Variants in PDE3A observed in about 807,000 individuals in gnomAD.
PDE3A encodes the protein phosphodiesterase 3A, also known as cGMP-inhibited 3',5'-cyclic phosphodiesterase 3A.
In PDE3A, 43 loss-of-function variants were observed where a neutral mutation model predicts 98.3. The ratio of observed to expected loss-of-function variants is 0.44; its 90% CI spans 0.34 to 0.56. PDE3A has a LOEUF of 0.56. PDE3A is among the 20% of genes least tolerant of loss of function. PDE3A has a pLI of 0.01. For missense variants in PDE3A, 1,427 were observed against 1,440.7 expected (o/e 0.99, Z 0.15); for synonymous variants, 663 against 567.9 (o/e 1.17, Z -2.38).
chr12:20,461,236 G>GAAAAAAAAAAAA, intron 1 of PDE3A, among the ~76,000 whole-genome samples: 1 of 98,486 alleles, frequency 1.0e-5, no homozygotes, highest in Non-Finnish European at 1.9e-5. Context: ...GTGTTTGTCA[G>GAAAAAAAAAAAA]AAAAAAAAAA....
intron 2 of PDE3A, among the ~76,000 whole-genome samples, chr12:20,576,295 A>C (rs1430868629): frequency 6.6e-6 from 1 of 152,062 alleles, no homozygotes; most frequent in Non-Finnish European, 1.5e-5. Context: ...TTTTGGAGTG[A>C]AATATTATCT....
chr12:20,433,967 C>T (rs79407524), intron 1 of PDE3A, among the ~76,000 whole-genome samples: 3,201 of 152,122 alleles, frequency 0.021, 55 homozygotes, highest in Non-Finnish European at 0.033. Context: ...ATTGGGTGAT[C>T]GATTACTTAT....
intron 1 of PDE3A, among the ~76,000 whole-genome samples, chr12:20,488,879 CA>C (rs5796863): frequency 0.33 from 38,984 of 118,818 alleles, 6,431 homozygotes; most frequent in East Asian, 0.67. Flanking sequence ...TCCCTGTCTC[CA>C]AAAAAAAAAA....
At chr12:20,598,368 G>C (rs1021900581) in intron 2 of PDE3A, among the ~76,000 whole-genome samples, 6 of 151,962 alleles carry the variant, frequency 3.9e-5, no homozygotes, top group African/African-American at 1.5e-4. Context: ...ATTTTTAGTA[G>C]AGATGGGGTT....
rs1159892054 is a variant in PDE3A at position 20,683,745 on chromosome 12, G to T, written c.*3474G>T. The T allele has an allele frequency of 2.6e-5, 4 of 152,072 alleles. No homozygotes were observed. The highest frequency in any genetic ancestry group is 4.4e-5 in the Non-Finnish European group (3 of 68,010). The allele number at this position is 152,072 out of a possible 1,614,324, so 9.4% of individuals were successfully genotyped here. A position where few individuals can be genotyped will look rare whatever the true frequency, so the allele number is the denominator to read the frequency against. ...TATTAGTCTTCATCTGATGAATGAA[G>T]AAATTTTCTCATATTATGTTCAAGA... is the stretch of plus-strand genomic sequence containing the variant. On this transcript the variant is annotated 3_prime_UTR_variant, in exon 16 of 16. Transcript: ENST00000359062.
chr12:20,437,553 A>G (rs61912869), intron 1 of PDE3A, among the ~76,000 whole-genome samples: 11,641 of 152,194 alleles, frequency 0.076, 607 homozygotes, highest in Non-Finnish European at 0.11. Flanking sequence ...CTCATGGCAG[A>G]AGGGAAGCAG....
At chr12:20,386,139 AT>A (rs1479338751) in intron 1 of PDE3A, among the ~76,000 whole-genome samples, 96 of 87,136 alleles carry the variant, frequency 1.1e-3, no homozygotes, top group African/African-American at 3.7e-3. Context: ...ATAAATATAT[AT>A]AAATATATAT....
At chr12:20,387,613 T>C (rs1943835960) in intron 1 of PDE3A, among the ~76,000 whole-genome samples, 1 of 152,014 alleles carries the variant, frequency 6.6e-6, no homozygotes, top group Non-Finnish European at 1.5e-5. Context: ...AATACTTCTA[T>C]TTTGTATCCA....
At chr12:20,475,099 A>G (rs1945505900) in intron 1 of PDE3A, among the ~76,000 whole-genome samples, 1 of 151,908 alleles carries the variant, frequency 6.6e-6, no homozygotes, top group Non-Finnish European at 1.5e-5. Flanking sequence ...TACTTCTGCC[A>G]CTTAAAGATG....
intron 1 of PDE3A, among the ~76,000 whole-genome samples, chr12:20,480,696 A>G (rs567301466): frequency 6.6e-6 from 1 of 152,308 alleles, no homozygotes; most frequent in East Asian, 1.9e-4. Flanking sequence ...TCTTAAAGTA[A>G]TGATTTGCCT....
At chr12:20,462,662 A>G (rs572458804) in intron 1 of PDE3A, among the ~76,000 whole-genome samples, 1 of 152,082 alleles carries the variant, frequency 6.6e-6, no homozygotes, top group Non-Finnish European at 1.5e-5. Flanking sequence ...AAAAAATGTT[A>G]TTTTCAATGT....
At chr12:20,397,613 G>C (rs1314776512) in intron 1 of PDE3A, among the ~76,000 whole-genome samples, 1 of 151,622 alleles carries the variant, frequency 6.6e-6, no homozygotes, top group African/African-American at 2.4e-5. Flanking sequence ...ATCATAATTG[G>C]GTTCAAATAA....
chr12:20,653,181 T>C (rs1944961144), intron 14 of PDE3A, among the ~76,000 whole-genome samples: 1 of 152,106 alleles, frequency 6.6e-6, no homozygotes, highest in African/African-American at 2.4e-5. Flanking sequence ...GTAATATTAT[T>C]AAACATATAG....
chr12:20,510,580 A>G (rs1276202770), intron 1 of PDE3A, among the ~76,000 whole-genome samples: 3 of 152,102 alleles, frequency 2.0e-5, no homozygotes, highest in South Asian at 2.1e-4. Flanking sequence ...GAAGTTGAAG[A>G]CACAGGATGG....
At chr12:20,669,179 C>T (rs1267536633) in intron 15 of PDE3A, among the ~76,000 whole-genome samples, 2 of 150,820 alleles carry the variant, frequency 1.3e-5, no homozygotes, top group African/African-American at 2.4e-5. Flanking sequence ...AGCAAAGCCT[C>T]CAAGAAATAT....
chr12:20,472,827 C>T (rs1428470041), intron 1 of PDE3A, among the ~76,000 whole-genome samples: 1 of 152,058 alleles, frequency 6.6e-6, no homozygotes, highest in Non-Finnish European at 1.5e-5. Flanking sequence ...TATCTAAAGG[C>T]ATTAAATATC....
At position 20,680,180 on chromosome 12, in the gene PDE3A, C is replaced by G. The variant is rs1057135686; in HGVS notation, c.3335C>G (p.Ser1112Cys). The G allele has an allele frequency of 8.1e-6, 13 of 1,613,630 alleles. No individual in the cohort carries two copies. The highest frequency in any genetic ancestry group is 1.1e-5 in the Non-Finnish European group (13 of 1,179,798). Reference protein sequence around the residue: ...QSLDQTPQSHSSEQIQAIKEE... With the variant: ...QSLDQTPQSHCSEQIQAIKEE... Reference sequence around the variant, plus strand: ...CTGGACCAGACCCCTCAGTCGCACTCTTCAGAACAGATCCAGGCTATCAAG... The same window carrying G: ...CTGGACCAGACCCCTCAGTCGCACTGTTCAGAACAGATCCAGGCTATCAAG... The change falls in exon 16 of 16, where the codon TCT becomes TGT. Residue 1112 changes from serine to cysteine, a missense_variant. Around this residue, in one of 3 missense-constraint regions of PDE3A, gnomAD observed 142 missense variants for 133.9 expected, o/e 1.06. Transcript: ENST00000359062.
At chr12:20,526,466 G>T (rs958870582) in intron 1 of PDE3A, among the ~76,000 whole-genome samples, 1 of 152,108 alleles carries the variant, frequency 6.6e-6, no homozygotes, top group African/African-American at 2.4e-5. Context: ...TTTTAAAAAA[G>T]TGTTACAATT....
rs761479212 is a variant in PDE3A, at chr12:20,648,916, C to CT, written c.2769+29dup. ...GGTAAATAGAGCTGTACCCAGTTTT[C>CT]TTTTCTTTTTCTTTTTTTTTTTTTT... On this transcript the variant is annotated intron_variant, in intron 13 of 15. Coordinates refer to ENST00000359062, the MANE Select transcript of PDE3A (RefSeq NM_000921.5). The CT allele has an allele frequency of 8.7e-3, 6,601 of 755,366 alleles. 46 individuals are homozygous for CT. The highest frequency in any genetic ancestry group is 0.01 in the Non-Finnish European group (5,410 of 526,884). The allele number at this position is 755,366 out of a possible 1,614,324, so 46.8% of individuals were successfully genotyped here.
Sources: gnomAD v4.1 joint callset for allele counts (sites outside exome capture counted in the v4.1 genomes callset) on GRCh38, gnomAD v4.1.1 for gene constraint, gnomAD v4.1.1 regional missense constraint, MANE v1.5 for transcripts, NCBI Gene and HGNC (gene_info 2026-07-23, HGNC 2026-07-21) for gene names.